RELL1: variants seen among roughly 807,000 people sequenced by gnomAD.
RELL1 encodes the protein RELT like 1, also known as RELT-like protein 1.
RELL1 carries 10 observed loss-of-function variants against 23.0 expected under a neutral mutation model. The ratio of observed to expected loss-of-function variants is 0.43; its 90% CI spans 0.27 to 0.74. The LOEUF is 0.74. RELL1 is among the 30% of genes least tolerant of loss of function. The pLI is 0.19. For missense variants in RELL1, 315 were observed against 364.4 expected (o/e 0.86, Z 1.10); for synonymous variants, 146 against 146.8 (o/e 0.99, Z 0.04).
intron 1 of RELL1, among the ~76,000 whole-genome samples, chr4:37,685,246 G>A (rs1449593167): frequency 6.6e-6 from 1 of 152,160 alleles, no homozygotes; most frequent in African/African-American, 2.4e-5. Context: ...TATTATTTGG[G>A]CCTGAGGAGG....
intron 1 of RELL1, among the ~76,000 whole-genome samples, chr4:37,658,368 A>C (rs371922932): frequency 6.6e-6 from 1 of 152,186 alleles, no homozygotes; most frequent in South Asian, 2.1e-4. Flanking sequence ...ATGATATCTG[A>C]TTCACACTAG....
intron 4 of RELL1, 40 bp from the exon 5 acceptor site, chr4:37,635,163 G>A (rs767553045): frequency 5.3e-6 from 8 of 1,497,742 alleles, no homozygotes; most frequent in Non-Finnish European, 6.5e-6. Flanking sequence ...ACTGGTTAAA[G>A]GAAATATCAG....
At chr4:37,651,969 G>A (rs1720961645) in intron 1 of RELL1, among the ~76,000 whole-genome samples, 1 of 152,232 alleles carries the variant, frequency 6.6e-6, no homozygotes, top group Non-Finnish European at 1.5e-5. Flanking sequence ...CCACAGGGGA[G>A]CTGAAGCACG....
chr4:37,592,544 A>G (rs1386776801), intron 6 of RELL1, among the ~76,000 whole-genome samples: 5 of 152,172 alleles, frequency 3.3e-5, no homozygotes, highest in Non-Finnish European at 5.9e-5. Context: ...AACAAGGACA[A>G]CCATTCTAAC....
chr4:37,652,909 T>C (rs1387358916), intron 1 of RELL1, among the ~76,000 whole-genome samples: 1 of 152,126 alleles, frequency 6.6e-6, no homozygotes. Flanking sequence ...ATAACAGACA[T>C]GTTATTGGCC....
At chr4:37,674,056 G>T (rs1721934229) in intron 1 of RELL1, among the ~76,000 whole-genome samples, 1 of 152,152 alleles carries the variant, frequency 6.6e-6, no homozygotes. Context: ...GGCTATGAAT[G>T]AAGTCTTTTC....
At chr4:37,631,604 C>G (rs1720135197) in intron 5 of RELL1, 81 bp from the exon 6 acceptor site, 1 of 1,486,618 alleles carries the variant, frequency 6.7e-7, no homozygotes, top group Admixed American at 2.1e-5. Flanking sequence ...ATCATCCACC[C>G]AGAGGATCTC....
intron 6 of RELL1, among the ~76,000 whole-genome samples, chr4:37,604,530 C>CAG (rs1719101178): frequency 2.0e-5 from 3 of 151,946 alleles, no homozygotes; most frequent in Non-Finnish European, 2.9e-5. Flanking sequence ...CACACGCACA[C>CAG]TCCAAATCAG....
chr4:37,685,232 T>A (rs1577617530), intron 1 of RELL1, among the ~76,000 whole-genome samples: 1 of 152,202 alleles, frequency 6.6e-6, no homozygotes, highest in East Asian at 1.9e-4. Flanking sequence ...GGCTTCCAGT[T>A]GCTTATTATT....
In RELL1 at chr4:37,610,701, A is replaced by G. The variant is rs1325268180; in HGVS notation, c.*2645T>C. On this transcript the variant is annotated 3_prime_UTR_variant, in exon 7 of 7. Transcript: ENST00000454158. The surrounding 1 kb of genome is among the most constrained non-coding windows in gnomAD (Gnocchi z 4.1). ...AAAGTCATAAAAGTACAAACCAGAC[A>G]GTTAAAAATACACTTGACACTCGAA... Among the ~76,000 whole-genome samples, 1 of 152,244 alleles carries G rather than the reference A, an allele frequency of 6.6e-6. No individual in the cohort carries two copies. Among genetic ancestry groups the G allele is most frequent in the Admixed American group, 6.5e-5 (1 of 15,286 alleles).
chr4:37,636,452 G>A (rs1002183414), intron 4 of RELL1, among the ~76,000 whole-genome samples: 8 of 152,018 alleles, frequency 5.3e-5, no homozygotes, highest in Middle Eastern at 3.4e-3. Flanking sequence ...AAAATTAGCC[G>A]GGGGTGGTGG....
At position 37,631,393 on chromosome 4, in the gene RELL1, C is replaced by T. The variant is rs780633973; in HGVS notation, c.811G>A (p.Glu271Lys). ...CCAAAACCACGGCTCACCTGCTACT[C>T]TGTGCCACTGCGTTCTCTCTTCACA... Reference protein sequence around the residue: ...TPVKRERSGTE With the variant: ...TPVKRERSGTK The change falls in exon 6 of 7, where the codon GAG (glutamate) becomes AAG (lysine). Residue 271 changes from glutamate to lysine, a missense_variant. Physicochemically the swap from Glu to Lys is moderately conservative, Grantham distance 56 (BLOSUM62 1). Coordinates refer to ENST00000454158, the MANE Select transcript of RELL1 (RefSeq NM_001085400.2). The T allele has an allele frequency of 8.1e-6, 13 of 1,613,506 alleles. No homozygotes were observed. The highest frequency in any genetic ancestry group is 1.7e-5 in the Admixed American group (1 of 59,946).
At chr4:37,652,333 C>T (rs1221843634) in intron 1 of RELL1, among the ~76,000 whole-genome samples, 1 of 152,202 alleles carries the variant, frequency 6.6e-6, no homozygotes. Context: ...TTTCTGATTT[C>T]TCCCTGAAGA....
chr4:37,667,084 C>T (rs750067349), intron 1 of RELL1, among the ~76,000 whole-genome samples: 6 of 151,804 alleles, frequency 4.0e-5, no homozygotes, highest in Admixed American at 2.0e-4. Flanking sequence ...AAAAGGCAAA[C>T]GAAGGAAAGA....
chr4:37,604,900 G>T (rs62297171), intron 6 of RELL1, among the ~76,000 whole-genome samples: 6,543 of 62,140 alleles, frequency 0.11, 327 homozygotes, highest in East Asian at 0.18. Context: ...CACACACACA[G>T]ACACACACAC....
intron 6 of RELL1, among the ~76,000 whole-genome samples, chr4:37,598,049 T>C (rs1261975458): frequency 7.5e-6 from 1 of 132,470 alleles, no homozygotes; most frequent in East Asian, 2.1e-4. Flanking sequence ...CACATATATA[T>C]AAAATGATAT....
At chr4:37,590,520 C>A (rs770635150), downstream of RELL1, 1 of 1,614,082 alleles carries the variant, frequency 6.2e-7, no homozygotes. Context: ...CAGAAGGGAC[C>A]CAAGTCATGA....
intron 1 of RELL1, among the ~76,000 whole-genome samples, chr4:37,682,593 T>C (rs1463069908): frequency 6.6e-6 from 1 of 152,050 alleles, no homozygotes; most frequent in East Asian, 1.9e-4. Flanking sequence ...TTAGAGGGGG[T>C]AGGGGCAGGG....
chr4:37,668,246 C>A (rs1382801655), intron 1 of RELL1, among the ~76,000 whole-genome samples: 4 of 145,536 alleles, frequency 2.7e-5, no homozygotes, highest in African/African-American at 5.1e-5. Context: ...CCTCTTTCCA[C>A]GGTCTCCCTC....
Sources: gnomAD v4.1 joint callset for allele counts (sites outside exome capture counted in the v4.1 genomes callset) on GRCh38, gnomAD v4.1.1 for gene constraint, Gnocchi (gnomAD v3.1) non-coding constraint, MANE v1.5 for transcripts, NCBI Gene and HGNC (gene_info 2026-07-23, HGNC 2026-07-21) for gene names.